DMD: variants seen among roughly 807,000 people sequenced by gnomAD.
The protein encoded by DMD is dystrophin.
DMD carries 63 observed loss-of-function variants against 330.1 expected under a neutral mutation model. The observed-to-expected ratio is 0.19, with a 90% CI of 0.16 to 0.24. The LOEUF is 0.24. Ranked by LOEUF, DMD falls within the 10% of genes least tolerant of loss-of-function variation. DMD has a pLI of 1.00. For synonymous variants in DMD, 1,223 were observed against 959.8 expected, an observed-to-expected ratio of 1.27 and a Z score of -5.07; for missense variants, 3,344 against 2,684.1, an observed-to-expected ratio of 1.25 and a Z score of -5.43.
intron 11 of DMD, among the ~76,000 whole-genome samples, chrX:32,627,909 T>G (rs2058458661): frequency 9.0e-6 from 1 of 110,771 alleles, no homozygotes; most frequent in East Asian, 2.8e-4. Context: ...AATTTTTATT[T>G]TTTTGGGTAT....
intron 44 of DMD, among the ~76,000 whole-genome samples, chrX:32,035,834 C>T (rs1176847186): frequency 9.4e-6 from 1 of 106,619 alleles, no homozygotes; most frequent in Non-Finnish European, 1.9e-5. Flanking sequence ...GAATTCATGT[C>T]CCAACGAAAA....
chrX:32,102,956 C>T (rs769391605), intron 44 of DMD, among the ~76,000 whole-genome samples: 2 of 111,788 alleles, frequency 1.8e-5, no homozygotes, highest in Non-Finnish European at 3.8e-5. Context: ...TTGTAGAAAT[C>T]GATCTCAAAC....
At chrX:32,554,825 G>A (rs1254256035) in intron 16 of DMD, among the ~76,000 whole-genome samples, 2 of 7,358 alleles carry the variant, frequency 2.7e-4, no homozygotes, top group Non-Finnish European at 4.3e-4. Context: ...AGGGAGGGAG[G>A]GGGAGGGAGA....
chrX:31,430,208 AGAG>A (rs1026819662), intron 60 of DMD, among the ~76,000 whole-genome samples: 4 of 111,717 alleles, frequency 3.6e-5, no homozygotes, highest in African/African-American at 1.3e-4. Context: ...CATGATATGC[AGAG>A]GAGGGTAGAT....
intron 50 of DMD, among the ~76,000 whole-genome samples, chrX:31,795,816 T>C (rs1409192147): frequency 1.8e-5 from 2 of 111,662 alleles, no homozygotes; most frequent in African/African-American, 3.3e-5. Context: ...GAGGACTAAG[T>C]AGGAAAAAAG....
At chrX:32,570,387 G>C (rs1032617270) in intron 15 of DMD, among the ~76,000 whole-genome samples, 1 of 97,328 alleles carries the variant, frequency 1.0e-5, no homozygotes, top group African/African-American at 4.2e-5. Flanking sequence ...AAGACCTATA[G>C]AAAACATATT....
intron 51 of DMD, among the ~76,000 whole-genome samples, chrX:31,748,335 T>C (rs2088037848): frequency 8.9e-6 from 1 of 111,822 alleles, no homozygotes; most frequent in African/African-American, 3.3e-5. Context: ...GTTGGGAGCA[T>C]TAAATATTCG....
At chrX:32,253,312 G>A (rs2097284464) in intron 43 of DMD, among the ~76,000 whole-genome samples, 1 of 110,983 alleles carries the variant, frequency 9.0e-6, no homozygotes, top group African/African-American at 3.3e-5. Context: ...TCACTTAGCT[G>A]ACTGAAACAG....
intron 2 of DMD, among the ~76,000 whole-genome samples, chrX:32,996,129 T>C (rs2093112837): frequency 8.9e-6 from 1 of 111,897 alleles, no homozygotes. Context: ...TCAAACCTTG[T>C]TCGATGTACC....
At chrX:33,136,896 G>A (rs189357772) in intron 1 of DMD, among the ~76,000 whole-genome samples, 43 of 111,006 alleles carry the variant, frequency 3.9e-4, no homozygotes, top group African/African-American at 1.3e-3. Context: ...TATATATGAT[G>A]AGGTTAAAAA....
chrX:31,417,505 G>T (rs1322363393), intron 60 of DMD, among the ~76,000 whole-genome samples: 2 of 109,280 alleles, frequency 1.8e-5, no homozygotes, highest in African/African-American at 6.7e-5. Context: ...TGGCCAGGAT[G>T]GCACCAAGCC....
intron 44 of DMD, among the ~76,000 whole-genome samples, chrX:32,208,308 T>C (rs781148942): frequency 8.9e-6 from 1 of 112,005 alleles, no homozygotes; most frequent in Non-Finnish European, 1.9e-5. Flanking sequence ...CCTTGTCAAA[T>C]AGAAATTGCA....
chrX:33,026,707 A>G (rs1396606568), intron 1 of DMD, among the ~76,000 whole-genome samples: 2 of 111,920 alleles, frequency 1.8e-5, no homozygotes, highest in Non-Finnish European at 3.8e-5. Context: ...GAGGAGGTCT[A>G]AAATAATTAA....
chrX:33,146,825 CT>C (rs201870628), intron 1 of DMD, among the ~76,000 whole-genome samples: 5 of 106,860 alleles, frequency 4.7e-5, no homozygotes, highest in African/African-American at 1.0e-4. Flanking sequence ...ATTAATAAAT[CT>C]TTTTTTTTTC....
At chrX:32,514,081 T>C (rs1201048494) in intron 18 of DMD, among the ~76,000 whole-genome samples, 1 of 110,495 alleles carries the variant, frequency 9.1e-6, no homozygotes, top group African/African-American at 3.3e-5. Flanking sequence ...TAAAAGCTAA[T>C]GATAAAGACC....
chrX:32,300,003 T>C (rs1365179469), intron 42 of DMD, among the ~76,000 whole-genome samples: 1 of 111,799 alleles, frequency 8.9e-6, no homozygotes, highest in Non-Finnish European at 1.9e-5. Flanking sequence ...TTTATTACTC[T>C]CTAACTTGTT....
intron 59 of DMD, among the ~76,000 whole-genome samples, chrX:31,456,966 T>C (rs192857844): frequency 9.4e-6 from 1 of 106,717 alleles, no homozygotes; most frequent in Non-Finnish European, 1.9e-5. Flanking sequence ...CACAATTTAA[T>C]GGGTCATTAA....
At chrX:32,259,616 T>A (rs762573333) in intron 43 of DMD, among the ~76,000 whole-genome samples, 8 of 111,541 alleles carry the variant, frequency 7.2e-5, no homozygotes, top group Non-Finnish European at 1.5e-4. Context: ...TTTAAGAAAT[T>A]TGCTATCTGC....
intron 1 of DMD, among the ~76,000 whole-genome samples, chrX:33,108,775 A>T (rs1323187574): frequency 1.0e-5 from 1 of 100,386 alleles, no homozygotes; most frequent in Non-Finnish European, 2.0e-5. Flanking sequence ...CTGAGGCAGG[A>T]GAATTGCTTG....
Sources: gnomAD v4.1 joint callset for allele counts (sites outside exome capture counted in the v4.1 genomes callset) on GRCh38, gnomAD v4.1.1 for gene constraint, MANE v1.5 for transcripts, NCBI Gene and HGNC (gene_info 2026-07-23, HGNC 2026-07-21) for gene names.